Variants in RTEL1 observed in about 807,000 individuals in gnomAD.
The protein encoded by RTEL1 is regulator of telomere length.
A neutral mutation model predicts 162.2 loss-of-function variants in RTEL1; 86 were observed. The ratio of observed to expected loss-of-function variants is 0.53; its 90% CI spans 0.45 to 0.63. RTEL1 has a LOEUF of 0.63. Among genes scored for constraint, RTEL1 ranks in the 30% least tolerant of loss-of-function variants. RTEL1 has a pLI of 0.00. For synonymous variants in RTEL1, 958 were observed against 717.9 expected (o/e 1.33, Z -5.35); for missense variants, 1,941 against 1,750.2 (o/e 1.11, Z -1.95).
intron 13 of RTEL1, among the ~76,000 whole-genome samples, chr20:63,680,173 C>G (rs1463026171): frequency 6.6e-6 from 1 of 152,220 alleles, no homozygotes; most frequent in Non-Finnish European, 1.5e-5. Context: ...ACAGCCTCAT[C>G]CCATTATTCT....
intron 8 of RTEL1, among the ~76,000 whole-genome samples, chr20:63,671,492 T>G (rs1760259795): frequency 6.6e-6 from 1 of 152,070 alleles, no homozygotes; most frequent in Admixed American, 6.6e-5. Context: ...TGTGAAATTT[T>G]TTTTTTTGAG....
At chr20:63,692,244 G>C in intron 28 of RTEL1, 1 of 222,904 alleles carries the variant, frequency 4.5e-6, no homozygotes, top group Non-Finnish European at 9.0e-6. Flanking sequence ...CTTTGTCCAT[G>C]TCCCTTGGCT....
chr20:63,693,591 T>TCCACCA (rs1568721085), intron 30 of RTEL1, among the ~76,000 whole-genome samples: 1 of 3,550 alleles, frequency 2.8e-4, no homozygotes, highest in Non-Finnish European at 5.2e-4. Flanking sequence ...CACCACCACC[T>TCCACCA]CCACCTCCAC....
chr20:63,693,132 T>A lies in RTEL1; in HGVS notation c.2852-11T>A. The A allele has an allele frequency of 1.2e-6, 2 of 1,612,228 alleles. No individual in the cohort carries two copies. Among genetic ancestry groups the A allele is most frequent in the Non-Finnish European group, 8.5e-7 (1 of 1,179,584 alleles). On this transcript the variant is annotated splice_polypyrimidine_tract_variant and intron_variant, in intron 29 of 34. Coordinates refer to ENST00000360203, the MANE Select transcript of RTEL1 (RefSeq NM_001283009.2). ...AGGGGCAGATGGGGACAGACGCCCC[T>A]TCCTCTACAGGCTTCTACCAGTTTG...
chr20:63,673,274 G>C (rs1220483495), intron 9 of RTEL1, among the ~76,000 whole-genome samples: 1 of 150,106 alleles, frequency 6.7e-6, no homozygotes, highest in Non-Finnish European at 1.5e-5. Context: ...TGTGCCTATA[G>C]TCCCAGCTAC....
Position 63,668,090 on chromosome 20 carries a change from C to T in RTEL1, c.699+537C>T, listed in dbSNP as rs1027832214. ...TGCCCAGCCCCACTCCCTTCCGCCC[C>T]GTGTGCCCAGCCCCACGCTCACTCC... On this transcript the variant is annotated intron_variant, in intron 8 of 34. Coordinates refer to ENST00000360203, the MANE Select transcript of RTEL1 (RefSeq NM_001283009.2). The surrounding 1 kb of genome is among the most constrained non-coding windows in gnomAD (Gnocchi z 4.3). Among the ~76,000 whole-genome samples, 6 of 147,804 alleles carry T rather than the reference C, an allele frequency of 4.1e-5. No individual in the cohort carries two copies. Among genetic ancestry groups the T allele is most frequent in the African/African-American group, 1.3e-4 (5 of 39,882 alleles).
At chr20:63,682,348 G>A (rs993107090) in intron 14 of RTEL1, 4 of 984,340 alleles carry the variant, frequency 4.1e-6, no homozygotes, top group African/African-American at 1.8e-5. Flanking sequence ...GGCCTCCCAG[G>A]CCCCCAGCTA....
intron 7 of RTEL1, among the ~76,000 whole-genome samples, chr20:63,667,035 T>G (rs1489847082): frequency 6.6e-6 from 1 of 150,432 alleles, no homozygotes; most frequent in East Asian, 2.0e-4. Flanking sequence ...GAGACGGGGT[T>G]TCACCGTGTT....
intron 16 of RTEL1, chr20:63,686,106 TTGG>T: frequency 1.7e-6 from 1 of 580,022 alleles, no homozygotes; most frequent in Non-Finnish European, 3.1e-6. Context: ...AGTCACCTGG[TTGG>T]TGGTGGCAGA....
Position 63,689,021 on chromosome 20 carries a change from GC to G in RTEL1, c.1801-33del, listed in dbSNP as rs761547435. ...TGGGGGAGGAAGGGGCTGGGGGGGG[GC>G]TCCAGGCTCAGCCTCACCAACTTTC... On this transcript the variant is annotated intron_variant, in intron 21 of 34. Coordinates refer to ENST00000360203, the MANE Select transcript of RTEL1 (RefSeq NM_001283009.2). 5.1e-6 allele frequency: 8 copies of G among 1,577,362 alleles called. No individual in the cohort carries two copies. In the African/African-American group the frequency reaches 8.1e-5, roughly 16 times the overall value.
intron 5 of RTEL1, 55 bp from the exon 6 acceptor site, chr20:63,662,774 C>A: frequency 1.2e-6 from 2 of 1,605,408 alleles, no homozygotes; most frequent in Non-Finnish European, 1.7e-6. Context: ...TGGGGACTGG[C>A]TTCGGTCCTT....
chr20:63,680,982 G>A (rs907475210), intron 14 of RTEL1: 11 of 984,924 alleles, frequency 1.1e-5, no homozygotes, highest in Non-Finnish European at 1.2e-5. Flanking sequence ...AGTGGGGGCC[G>A]GGGAGCCGCT....
intron 16 of RTEL1, 36 bp downstream of exon 16, chr20:63,685,908 G>C (rs776403548): frequency 1.3e-6 from 2 of 1,584,622 alleles, no homozygotes; most frequent in African/African-American, 1.3e-5. Flanking sequence ...CCGCCCGCCC[G>C]GGTGCAGTGC....
Position 63,659,300 on chromosome 20 carries a change from C to A in RTEL1, c.-103C>A. 1.3e-6 allele frequency: 1 copy of A among 764,572 alleles called. No homozygotes were observed. 47.4% of individuals were successfully genotyped at this position (764,572 alleles called of 1,614,324 possible). A position where few individuals can be genotyped will look rare whatever the true frequency, so the allele number is the denominator to read the frequency against. On this transcript the variant is annotated 5_prime_UTR_variant, in exon 2 of 35. Coordinates refer to ENST00000360203, the MANE Select transcript of RTEL1 (RefSeq NM_001283009.2). Reference sequence around the variant, plus strand: ...CAGTGCACATGCTCGCATCGCTTACCAGGAGTGCCCGAGACCCTAAGATGT... The same window carrying A: ...CAGTGCACATGCTCGCATCGCTTACAAGGAGTGCCCGAGACCCTAAGATGT...
In RTEL1 at chr20:63,692,894, C is replaced by T. The variant is rs777637767; in HGVS notation, c.2742C>T (p.Thr914=). The change falls in exon 29 of 35, where the codon ACC becomes ACT. Residue 914 remains threonine, a synonymous_variant. Transcript: ENST00000360203. ...AGTTGAGCCAAGCCAACTTTGCCACCTTCACCCAGGCCCTGCAGGACTACA... is the reference window on the plus strand; with the variant it reads ...AGTTGAGCCAAGCCAACTTTGCCACTTTCACCCAGGCCCTGCAGGACTACA... ...KQELSQANFA[T]FTQALQDYKG... 1.9e-6 allele frequency: 3 copies of T among 1,612,658 alleles called. No homozygotes were observed. Among genetic ancestry groups the T allele is most frequent in the African/African-American group, 2.7e-5 (2 of 75,048 alleles).
chr20:63,680,243 C>T (rs1318349390), intron 13 of RTEL1, among the ~76,000 whole-genome samples: 1 of 152,236 alleles, frequency 6.6e-6, no homozygotes, highest in African/African-American at 2.4e-5. Context: ...GGCTTCTCCA[C>T]ACCACCCCGA....
At position 63,666,060 on chromosome 20, in the gene RTEL1, A is replaced by G. The variant is rs1601096259; in HGVS notation, c.595A>G (p.Lys199Glu). The G allele has an allele frequency of 6.2e-7, 1 of 1,614,162 alleles. No homozygotes were observed. The highest frequency in any genetic ancestry group is 8.5e-7 in the Non-Finnish European group (1 of 1,180,032). ...SPILDIEDLV[K>E]SGSKHRVCPY... ...CATCCTGGACATTGAGGACTTGGTC[A>G]AGAGCGGAAGCAAGCACAGGTGAGA... Residue 199 changes from lysine (K) to glutamate (E), a missense_variant, in exon 7 of 35, where the codon AAG becomes GAG. Transcript: ENST00000360203.
At chr20:63,680,955 G>T (rs2090466442) in intron 14 of RTEL1, 2 of 985,420 alleles carry the variant, frequency 2.0e-6, no homozygotes, top group Non-Finnish European at 1.2e-6. Flanking sequence ...ATGCTGGTGA[G>T]GGAGGACGCA....
At chr20:63,676,693 T>C (rs957666770) in intron 10 of RTEL1, among the ~76,000 whole-genome samples, 57 of 152,184 alleles carry the variant, frequency 3.7e-4, no homozygotes, top group Admixed American at 2.6e-4. Flanking sequence ...CCCAGCACTT[T>C]GGGAGGCCCA....
Sources: allele counts gnomAD v4.1 joint callset (sites outside exome capture counted in the v4.1 genomes callset), GRCh38; gene constraint gnomAD v4.1.1; non-coding constraint Gnocchi (gnomAD v3.1); transcripts MANE v1.5; gene names NCBI Gene and HGNC (gene_info 2026-07-23, HGNC 2026-07-21).